Variants in TNFRSF10B observed in about 807,000 individuals in gnomAD.
TNFRSF10B encodes tumor necrosis factor receptor superfamily member 10B.
In TNFRSF10B, 35 loss-of-function variants were observed where a neutral mutation model predicts 41.4. That is an observed-to-expected ratio of 0.85 (90% CI 0.65 to 1.12). The LOEUF (loss-of-function observed/expected upper bound fraction) is 1.12. Among genes scored for constraint, TNFRSF10B ranks in the 50% most tolerant of loss-of-function variants. TNFRSF10B has a pLI of 0.00. For missense variants in TNFRSF10B, 584 were observed against 552.7 expected (o/e 1.06, Z -0.57); for synonymous variants, 230 against 215.5 (o/e 1.07, Z -0.59).
chr8:23,030,746 A>C lies in TNFRSF10B; in HGVS notation c.364+13T>G. 1.9e-6 allele frequency: 3 copies of C among 1,602,376 alleles called. No homozygotes were observed. The highest frequency in any genetic ancestry group is 2.2e-5 in the South Asian group (2 of 89,832). On this transcript the variant is annotated intron_variant, in intron 3 of 8. Transcript: ENST00000276431. ...CATTCCACCTTTAGGCATGGGGTCC[A>C]TATGTTCTGTACCTGAATCACACCT...
intron 1 of TNFRSF10B, among the ~76,000 whole-genome samples, chr8:23,066,447 AGGGAAAT>A (rs1812981983): frequency 6.6e-6 from 1 of 152,238 alleles, no homozygotes; most frequent in Non-Finnish European, 1.5e-5. Context: ...GAGCCCTCAC[AGGGAAAT>A]GTCCAAAGTG....
intron 2 of TNFRSF10B, among the ~76,000 whole-genome samples, chr8:23,034,567 C>T (rs1240366413): frequency 6.6e-6 from 1 of 152,154 alleles, no homozygotes; most frequent in Admixed American, 6.5e-5. Context: ...TCTGTACACA[C>T]ACATACAAAA....
At chr8:23,030,707 A>G in intron 3 of TNFRSF10B, 52 bp downstream of exon 3, 1 of 1,410,504 alleles carries the variant, frequency 7.1e-7, no homozygotes. Flanking sequence ...TACAACTTTT[A>G]TGTCATCACC....
chr8:23,052,500 ATGG>A (rs1487178411), intron 1 of TNFRSF10B, among the ~76,000 whole-genome samples: 15 of 151,936 alleles, frequency 9.9e-5, no homozygotes, highest in Non-Finnish European at 1.8e-4. Context: ...GTCAGCCAGG[ATGG>A]TCTTGATCTC....
In TNFRSF10B at chr8:23,021,989, G is replaced by T. The variant is rs960115682; in HGVS notation, c.*682C>A. On this transcript the variant is annotated 3_prime_UTR_variant, in exon 9 of 9. Coordinates refer to ENST00000276431, the MANE Select transcript of TNFRSF10B (RefSeq NM_003842.5). ...AGTAGAAAGGTAAGGCCAAGCATGG[G>T]GGCTCACGCCTCTAATTCCACCGCT... The T allele has an allele frequency of 2.2e-6, 1 of 451,898 alleles. No individual in the cohort carries two copies. The highest frequency in any genetic ancestry group is 4.4e-6 in the Non-Finnish European group (1 of 225,206). The allele number at this position is 451,898 out of a possible 1,614,324, so 28.0% of individuals were successfully genotyped here.
At chr8:23,057,536 G>C (rs1172898109) in intron 1 of TNFRSF10B, among the ~76,000 whole-genome samples, 1 of 149,848 alleles carries the variant, frequency 6.7e-6, no homozygotes. Flanking sequence ...GGGTTCAAGT[G>C]ATTCTCCTAC....
At chr8:23,061,399 A>T (rs1812827501) in intron 1 of TNFRSF10B, among the ~76,000 whole-genome samples, 7 of 152,224 alleles carry the variant, frequency 4.6e-5, no homozygotes, top group Admixed American at 3.3e-4. Flanking sequence ...TCAAAATTTT[A>T]AAAATTTAAT....
intron 1 of TNFRSF10B, among the ~76,000 whole-genome samples, chr8:23,052,565 C>T (rs776898951): frequency 5.3e-5 from 8 of 151,672 alleles, no homozygotes; most frequent in South Asian, 4.2e-4. Flanking sequence ...GGATTACACG[C>T]GTGAGCCACC....
chr8:23,037,786 A>G (rs1038493109), intron 2 of TNFRSF10B, among the ~76,000 whole-genome samples: 2 of 152,190 alleles, frequency 1.3e-5, no homozygotes, highest in Non-Finnish European at 2.9e-5. Flanking sequence ...GAGACTGTCT[A>G]TGCTCTGAAT....
chr8:23,051,900 G>A (rs1812530148), intron 1 of TNFRSF10B, among the ~76,000 whole-genome samples: 1 of 152,130 alleles, frequency 6.6e-6, no homozygotes, highest in South Asian at 2.1e-4. Context: ...AGACATGAAG[G>A]AAGTTTGTTC....
intron 1 of TNFRSF10B, among the ~76,000 whole-genome samples, chr8:23,064,970 G>GCCT (rs1812940430): frequency 6.6e-6 from 1 of 152,218 alleles, no homozygotes; most frequent in Non-Finnish European, 1.5e-5. Flanking sequence ...GGACTGCACA[G>GCCT]CCTCCCTCTG....
chr8:23,058,474 T>C (rs1270374242), intron 1 of TNFRSF10B, among the ~76,000 whole-genome samples: 3 of 149,802 alleles, frequency 2.0e-5, no homozygotes, highest in Non-Finnish European at 4.4e-5. Flanking sequence ...TAGAATCCCA[T>C]TTTAATTGTG....
chr8:23,021,827 C>T lies in TNFRSF10B; in HGVS notation c.*844G>A, dbSNP rs1361806580. ...CTGGAACCCAGACAGTGACATCTTACAGGGGACTTCTTCTTCTTCCCCCAT... is the reference window on the plus strand; with the variant it reads ...CTGGAACCCAGACAGTGACATCTTATAGGGGACTTCTTCTTCTTCCCCCAT... On this transcript the variant is annotated 3_prime_UTR_variant, in exon 9 of 9. Transcript: ENST00000276431. 2.2e-6 allele frequency: 1 copy of T among 454,174 alleles called. No individual in the cohort carries two copies. Among genetic ancestry groups the T allele is most frequent in the Admixed American group, 2.3e-5 (1 of 42,586 alleles). The allele number at this position is 454,174 out of a possible 1,614,324, so 28.1% of individuals were successfully genotyped here. A position where few individuals can be genotyped will look rare whatever the true frequency, so the allele number is the denominator to read the frequency against.
chr8:23,043,123 C>A lies in TNFRSF10B; in HGVS notation c.250+15G>T, dbSNP rs756879371. ...GGGAGGAGGGGCAAGGATTAGAGAC[C>A]CATCTTGAACATACCAGGTGGACAC... On this transcript the variant is annotated intron_variant, in intron 2 of 8. Coordinates refer to ENST00000276431, the MANE Select transcript of TNFRSF10B (RefSeq NM_003842.5). 32 of 1,611,298 alleles carry A rather than the reference C, an allele frequency of 2.0e-5. No individual in the cohort carries two copies. Among genetic ancestry groups the A allele is most frequent in the African/African-American group, 2.7e-5 (2 of 74,854 alleles).
intron 1 of TNFRSF10B, among the ~76,000 whole-genome samples, chr8:23,063,270 C>A (rs1473754401): frequency 2.0e-5 from 3 of 151,856 alleles, no homozygotes; most frequent in South Asian, 2.1e-4. Context: ...ATCGCTTGAA[C>A]CCAGGAGGCA....
At chr8:23,043,676 C>A (rs983203642) in intron 1 of TNFRSF10B, among the ~76,000 whole-genome samples, 1 of 152,066 alleles carries the variant, frequency 6.6e-6, no homozygotes, top group South Asian at 2.1e-4. Context: ...TATAATATAG[C>A]AAACTTAAAA....
At chr8:23,034,432 C>T (rs763299499) in intron 2 of TNFRSF10B, among the ~76,000 whole-genome samples, 5 of 152,148 alleles carry the variant, frequency 3.3e-5, no homozygotes, top group Admixed American at 1.3e-4. Flanking sequence ...AATAGTAAAT[C>T]AAAAGCAATA....
intron 2 of TNFRSF10B, among the ~76,000 whole-genome samples, chr8:23,036,426 C>T (rs906458159): frequency 6.6e-6 from 1 of 152,158 alleles, no homozygotes; most frequent in Non-Finnish European, 1.5e-5. Flanking sequence ...TGAGGAATTC[C>T]CTATGGTCAG....
chr8:23,023,479 T>C (rs1351793984), intron 8 of TNFRSF10B, among the ~76,000 whole-genome samples: 2 of 148,652 alleles, frequency 1.3e-5, no homozygotes, highest in African/African-American at 5.2e-5. Context: ...CAGAGCTAGG[T>C]GGAGGCAAAC....
Sources: gnomAD v4.1 joint callset for allele counts (sites outside exome capture counted in the v4.1 genomes callset) on GRCh38, gnomAD v4.1.1 for gene constraint, MANE v1.5 for transcripts, NCBI Gene and HGNC (gene_info 2026-07-23, HGNC 2026-07-21) for gene names.